The following PI4KA variants were observed in gnomAD, a reference collection of about 807,000 sequenced individuals.
PI4KA encodes PI4-kinase alpha.
Under a neutral mutation model 271.4 loss-of-function variants are expected in PI4KA, and 122 were observed. The observed-to-expected ratio is 0.45, with a 90% CI of 0.39 to 0.52. The LOEUF (loss-of-function observed/expected upper bound fraction) is 0.52. PI4KA is among the 20% of genes least tolerant of loss of function. PI4KA has a pLI of 0.00. For synonymous variants in PI4KA, 1,041 were observed against 1,078.8 expected (o/e 0.96, Z 0.69); for missense variants, 1,969 against 2,769.1 (o/e 0.71, Z 6.48).
At chr22:20,732,853 A>G (rs1305652428) in intron 36 of PI4KA, 118 bp downstream of exon 36, 11 of 1,149,310 alleles carry the variant, frequency 9.6e-6, no homozygotes, top group Non-Finnish European at 1.4e-5. Flanking sequence ...AGCCAAGGCC[A>G]GGGCTCAGGG....
chr22:20,757,400 C>T (rs541572456), intron 23 of PI4KA, among the ~76,000 whole-genome samples: 2 of 152,176 alleles, frequency 1.3e-5, no homozygotes, highest in East Asian at 1.9e-4. Context: ...CAATCAGTCC[C>T]CCGGAACAAT....
In PI4KA at chr22:20,724,468, C is replaced by T. The variant is rs993522188; in HGVS notation, c.4995+2020G>A. ...CTAAAAATACAAAAAATAAGCCGGG[C>T]GTGGTGGCATGCACCTTCAATCCCA... On this transcript the variant is annotated intron_variant, in intron 42 of 54. Coordinates refer to ENST00000255882, the MANE Select transcript of PI4KA (RefSeq NM_058004.4). Among the ~76,000 whole-genome samples the T allele has an allele frequency of 4.1e-5, 6 of 147,918 alleles. No individual in the cohort carries two copies. In the South Asian group the frequency reaches 1.3e-3, roughly 32 times the overall value.
At position 20,729,935 on chromosome 22, in the gene PI4KA, T is replaced by C. The variant is rs952598248; in HGVS notation, c.4365A>G (p.Thr1455=). 5 of 1,614,196 alleles carry C rather than the reference T, an allele frequency of 3.1e-6. No homozygotes were observed. The highest frequency in any genetic ancestry group is 4.2e-6 in the Non-Finnish European group (5 of 1,180,024). The stretch of plus-strand genomic sequence containing the variant: ...TGGACATGCCGCTGGACAGGGGGTA[T>C]GTGTTGATCCAGCCTTGGGTGGCTT... ...RQQATQGWIN[T]YPLSSGMSTI... The change falls in exon 37 of 55, where the codon ACA becomes ACG. Residue 1455 remains threonine, a synonymous_variant. Coordinates refer to ENST00000255882, the MANE Select transcript of PI4KA (RefSeq NM_058004.4).
At chr22:20,853,347 G>T (rs550569763) in intron 1 of PI4KA, among the ~76,000 whole-genome samples, 1 of 152,262 alleles carries the variant, frequency 6.6e-6, no homozygotes, top group African/African-American at 2.4e-5. Context: ...GACAAAGGAA[G>T]ATTAACCAGG....
At chr22:20,795,028 A>C (rs11705158) in intron 18 of PI4KA, among the ~76,000 whole-genome samples, 4 of 152,170 alleles carry the variant, frequency 2.6e-5, no homozygotes, top group Non-Finnish European at 5.9e-5. Flanking sequence ...GTAGGTGAAC[A>C]ATAACTGTCT....
At chr22:20,716,174 C>T (rs1050148541) in intron 45 of PI4KA, among the ~76,000 whole-genome samples, 34 of 152,332 alleles carry the variant, frequency 2.2e-4, no homozygotes, top group African/African-American at 5.5e-4. Context: ...CCTCAGCCTC[C>T]CGAGTAGCTG....
intron 2 of PI4KA, among the ~76,000 whole-genome samples, chr22:20,835,131 T>C (rs995031219): frequency 6.6e-6 from 1 of 151,870 alleles, no homozygotes; most frequent in Non-Finnish European, 1.5e-5. Context: ...ATTTTCCTTG[T>C]GTTTTTTTTT....
chr22:20,759,342 C>G (rs1051755245), intron 23 of PI4KA, among the ~76,000 whole-genome samples: 1 of 151,850 alleles, frequency 6.6e-6, no homozygotes, highest in Non-Finnish European at 1.5e-5. Flanking sequence ...CTGCACCTGG[C>G]CTGGGGTGAT....
intron 19 of PI4KA, among the ~76,000 whole-genome samples, chr22:20,782,871 C>T (rs996472875): frequency 1.8e-4 from 28 of 152,160 alleles, no homozygotes; most frequent in Admixed American, 1.8e-3. Context: ...AGAAGGGAAT[C>T]GAGCTTCACT....
chr22:20,770,835 G>A, intron 19 of PI4KA, among the ~76,000 whole-genome samples: 1 of 152,180 alleles, frequency 6.6e-6, no homozygotes, highest in South Asian at 2.1e-4. Flanking sequence ...GGGATGATAG[G>A]CATGAGCCAC....
intron 32 of PI4KA, among the ~76,000 whole-genome samples, chr22:20,738,437 T>C (rs1928990985): frequency 1.3e-5 from 2 of 152,208 alleles, no homozygotes; most frequent in Non-Finnish European, 2.9e-5. Flanking sequence ...ATCATGAATC[T>C]TTCCCCTCTC....
chr22:20,736,602 T>C (rs1366491669), intron 32 of PI4KA: 1 of 153,472 alleles, frequency 6.5e-6, no homozygotes, highest in African/African-American at 2.4e-5. Flanking sequence ...CTGTGGGATG[T>C]GCATAAGAGG....
chr22:20,823,115 T>C (rs373290331), intron 4 of PI4KA, among the ~76,000 whole-genome samples: 2 of 152,094 alleles, frequency 1.3e-5, no homozygotes, highest in African/African-American at 4.8e-5. Flanking sequence ...GGTTTCTTCA[T>C]GTTGGCCAGG....
chr22:20,806,668 T>C (rs571697794), intron 10 of PI4KA, among the ~76,000 whole-genome samples: 10 of 151,228 alleles, frequency 6.6e-5, no homozygotes, highest in Non-Finnish European at 1.3e-4. Context: ...AAAGACTCTG[T>C]CTGAAAAAAA....
chr22:20,807,459 C>T lies in PI4KA; in HGVS notation c.1072-1G>A. On this transcript the variant is annotated splice_acceptor_variant, in intron 9 of 54. Coordinates refer to ENST00000255882, the MANE Select transcript of PI4KA (RefSeq NM_058004.4). LOFTEE classifies it high-confidence loss of function. ...AGTAGAGATCAGCACTGGGGTTGGC[C>T]TGCAGGGAAGGCAGACACACATGAC... is the stretch of plus-strand genomic sequence containing the variant. 6.3e-7 allele frequency: 1 copy of T among 1,597,322 alleles called. No individual in the cohort carries two copies. The highest frequency in any genetic ancestry group is 8.6e-7 in the Non-Finnish European group (1 of 1,164,916).
At chr22:20,858,442 G>A (rs1488882311) in intron 1 of PI4KA, 128 bp downstream of exon 1, 6 of 607,232 alleles carry the variant, frequency 9.9e-6, no homozygotes, top group African/African-American at 5.8e-5. Flanking sequence ...CCTCCGCTCA[G>A]GCGCCCCCTC....
At chr22:20,769,572 A>G (rs1234595419) in intron 19 of PI4KA, among the ~76,000 whole-genome samples, 2 of 151,834 alleles carry the variant, frequency 1.3e-5, no homozygotes, top group South Asian at 2.1e-4. Context: ...GGGAGGCTGA[A>G]GCAGGAGAAT....
intron 19 of PI4KA, among the ~76,000 whole-genome samples, chr22:20,769,575 A>G (rs1305239531): frequency 6.6e-6 from 1 of 151,878 alleles, no homozygotes; most frequent in Non-Finnish European, 1.5e-5. Flanking sequence ...AGGCTGAAGC[A>G]GGAGAATCGC....
rs545848915 is a variant in PI4KA at position 20,709,702 on chromosome 22, G to A, written c.6173+206C>T. Among the ~76,000 whole-genome samples, 82 of 116,622 alleles carry A rather than the reference G, an allele frequency of 7.0e-4. 12 individuals carry two copies. The highest frequency in any genetic ancestry group is 2.8e-3 in the African/African-American group (78 of 27,444). The allele number at this position is 116,622 out of a possible 152,430, so 76.5% of individuals were successfully genotyped here. A position where few individuals can be genotyped will look rare whatever the true frequency, so the allele number is the denominator to read the frequency against. On this transcript the variant is annotated intron_variant, in intron 53 of 54. Transcript: ENST00000255882. Reference sequence around the variant, plus strand: ...CCTTGACATAAAGAGGCCCCTGGGTGGGTCTCTGGTGTGGCCGGCACAAGC... The same window carrying A: ...CCTTGACATAAAGAGGCCCCTGGGTAGGTCTCTGGTGTGGCCGGCACAAGC...
Sources: gnomAD v4.1 joint callset for allele counts (sites outside exome capture counted in the v4.1 genomes callset) on GRCh38, gnomAD v4.1.1 for gene constraint, MANE v1.5 for transcripts, NCBI Gene and HGNC (gene_info 2026-07-23, HGNC 2026-07-21) for gene names.